Variants in GALNTL5 observed in about 807,000 individuals in gnomAD.
GALNTL5 encodes the protein polypeptide N-acetylgalactosaminyltransferase like 5, also known as inactive polypeptide N-acetylgalactosaminyltransferase-like protein 5.
Under a neutral mutation model 51.0 loss-of-function variants are expected in GALNTL5, and 44 were observed. That is an observed-to-expected ratio of 0.86 (90% confidence interval 0.68 to 1.11). The LOEUF (loss-of-function observed/expected upper bound fraction) is 1.11. Among genes scored for constraint, GALNTL5 ranks in the 50% least tolerant of loss-of-function variants. The pLI is 0.00. For missense variants in GALNTL5, 528 were observed against 531.8 expected (o/e 0.99, Z 0.07); for synonymous variants, 192 against 182.8 (o/e 1.05, Z -0.41).
chr7:152,002,595 C>T lies in GALNTL5; in HGVS notation c.659-119C>T, dbSNP rs1185222354. On this transcript the variant is annotated intron_variant, in intron 5 of 8. Transcript: ENST00000392800. ...TTTCCTTCCAATGAAAATGAAAGCA[C>T]TGTAAGAGCCAAACACATAGTAAAT... 4 of 1,023,692 alleles carry T rather than the reference C, an allele frequency of 3.9e-6. No homozygotes were observed. In the Admixed American group the frequency reaches 1.0e-4, roughly 27 times the overall value. 63.4% of individuals were successfully genotyped at this position (1,023,692 alleles called of 1,614,324 possible).
At chr7:151,997,539 T>A (rs759805015) in intron 5 of GALNTL5, among the ~76,000 whole-genome samples, 17 of 152,320 alleles carry the variant, frequency 1.1e-4, no homozygotes, top group Admixed American at 3.3e-4. Flanking sequence ...GAAATGTAGG[T>A]GCTAGGTGGC....
chr7:152,000,911 CT>C lies in GALNTL5; in HGVS notation c.659-1789del, dbSNP rs66497039. The stretch of plus-strand genomic sequence containing the variant: ...TTCTTTTCTTTTCTTTTTTTTCTTT[CT>C]TTTTTTTTTTTTTGACAGAGTCTTG... On this transcript the variant is annotated intron_variant, in intron 5 of 8. Transcript: ENST00000392800. Among the ~76,000 whole-genome samples, 899 of 128,688 alleles carry C rather than the reference CT, an allele frequency of 7.0e-3. 3 individuals carry two copies. The highest frequency in any genetic ancestry group is 0.02 in the African/African-American group (699 of 34,226). 84.4% of individuals were successfully genotyped at this position (128,688 alleles called of 152,430 possible).
intron 5 of GALNTL5, among the ~76,000 whole-genome samples, chr7:152,001,561 TGACCATA>T (rs2081581284): frequency 6.6e-6 from 1 of 152,240 alleles, no homozygotes; most frequent in South Asian, 2.1e-4. Flanking sequence ...AAAAATCAAT[TGACCATA>T]GACACATGGT....
At chr7:151,957,525 G>C (rs1180652995) in intron 1 of GALNTL5, among the ~76,000 whole-genome samples, 1 of 149,788 alleles carries the variant, frequency 6.7e-6, no homozygotes, top group African/African-American at 2.5e-5. Flanking sequence ...CCCCAACCTG[G>C]GCAGCAGAGC....
At chr7:151,981,041 G>C (rs10271279) in intron 3 of GALNTL5, among the ~76,000 whole-genome samples, 270 of 151,848 alleles carry the variant, frequency 1.8e-3, no homozygotes, top group Middle Eastern at 0.01. Context: ...CACCGCGCCC[G>C]GCCACAATGA....
chr7:152,007,298 C>T (rs531114561), intron 6 of GALNTL5, among the ~76,000 whole-genome samples: 2 of 151,912 alleles, frequency 1.3e-5, no homozygotes, highest in Admixed American at 6.6e-5. Flanking sequence ...TAGAATATAT[C>T]GCATACACAT....
At chr7:151,960,554 A>G (rs1483948715) in intron 1 of GALNTL5, 2 of 152,296 alleles carry the variant, frequency 1.3e-5, no homozygotes, top group Non-Finnish European at 2.9e-5. Context: ...CAAACACTGC[A>G]AGGCAGGGAC....
At chr7:151,982,923 G>A (rs773208418) in intron 3 of GALNTL5, 63 bp from the exon 4 acceptor site, 9 of 1,612,188 alleles carry the variant, frequency 5.6e-6, no homozygotes, top group South Asian at 1.1e-5. Context: ...GTGTTTGAAC[G>A]AGATGACACA....
At chr7:151,998,444 T>C (rs1330262773) in intron 5 of GALNTL5, among the ~76,000 whole-genome samples, 5 of 152,210 alleles carry the variant, frequency 3.3e-5, no homozygotes, top group Admixed American at 6.5e-5. Context: ...TTAATATTTT[T>C]AGTATGTAAA....
intron 2 of GALNTL5, among the ~76,000 whole-genome samples, chr7:151,970,208 G>A (rs1386522194): frequency 2.0e-5 from 3 of 148,534 alleles, no homozygotes; most frequent in South Asian, 2.3e-4. Context: ...AGGAAGGGGC[G>A]GGGGGTGGGG....
chr7:151,995,300 G>A (rs1309572728), intron 5 of GALNTL5: 1 of 139,756 alleles, frequency 7.2e-6, no homozygotes, highest in East Asian at 2.2e-4. Flanking sequence ...AGAGAATGTT[G>A]CAATCAGATG....
chr7:151,995,154 G>C (rs1586837427), intron 5 of GALNTL5: 1 of 152,460 alleles, frequency 6.6e-6, no homozygotes, highest in Non-Finnish European at 1.5e-5. Flanking sequence ...CCCACAGGTT[G>C]CAGGAGCTGA....
intron 6 of GALNTL5, among the ~76,000 whole-genome samples, chr7:152,007,543 C>G (rs918196468): frequency 6.6e-6 from 1 of 151,256 alleles, no homozygotes; most frequent in African/African-American, 2.4e-5. Context: ...CTCAGCCTCC[C>G]GAGTAGCTGG....
In GALNTL5 at chr7:151,967,257, C is replaced by A; in HGVS notation, c.11C>A (p.Ala4Asp). 3.7e-6 allele frequency: 6 copies of A among 1,609,482 alleles called. No individual in the cohort carries two copies. Among genetic ancestry groups the A allele is most frequent in the African/African-American group, 2.7e-5 (2 of 74,762 alleles). Reference sequence around the variant, plus strand: ...AATGCTAGATTTACAATGAGAAATGCCATAATTCAAGGTTTATTCTATGGG... The same window carrying A: ...AATGCTAGATTTACAATGAGAAATGACATAATTCAAGGTTTATTCTATGGG... MRNAIIQGLFYGSL... is the reference protein window; with the variant it reads MRNDIIQGLFYGSL... Residue 4 changes from alanine to aspartate, a missense_variant, in exon 2 of 9, where the codon GCC becomes GAC. Transcript: ENST00000392800.
chr7:152,010,522 C>T (rs924642653), intron 7 of GALNTL5, among the ~76,000 whole-genome samples: 1 of 151,656 alleles, frequency 6.6e-6, no homozygotes, highest in Non-Finnish European at 1.5e-5. Flanking sequence ...AATCCCAGCA[C>T]TTGGGGAGGC....
chr7:151,970,099 C>T (rs2081113942), intron 2 of GALNTL5, among the ~76,000 whole-genome samples: 2 of 151,680 alleles, frequency 1.3e-5, no homozygotes, highest in Admixed American at 6.6e-5. Flanking sequence ...CGTGAGCCAC[C>T]GCACCCGGCC....
At position 152,016,329 on chromosome 7, in the gene GALNTL5, A is replaced by G. The variant is rs150857700; in HGVS notation, c.1176+1536A>G. Among the ~76,000 whole-genome samples the G allele has an allele frequency of 3.9e-3, 600 of 151,908 alleles. 1 individual carries two copies. The highest frequency in any genetic ancestry group is 0.013 in the African/African-American group (547 of 41,412). On this transcript the variant is annotated intron_variant, in intron 8 of 8. Coordinates refer to ENST00000392800, the MANE Select transcript of GALNTL5 (RefSeq NM_145292.4). ...TGAGGGAGGAGAATCGCTTGAACCCAGGAGGCGGAAGTTGCAGTGAGTCAA... is the reference window on the plus strand; with the variant it reads ...TGAGGGAGGAGAATCGCTTGAACCCGGGAGGCGGAAGTTGCAGTGAGTCAA...
chr7:151,994,497 C>T (rs539126300), intron 5 of GALNTL5, among the ~76,000 whole-genome samples: 1 of 151,978 alleles, frequency 6.6e-6, no homozygotes, highest in African/African-American at 2.4e-5. Context: ...CTTTCCCTGA[C>T]CTTTCCCTTC....
chr7:151,959,457 AAT>A (rs2080966216), intron 1 of GALNTL5, among the ~76,000 whole-genome samples: 1 of 152,188 alleles, frequency 6.6e-6, no homozygotes, highest in Admixed American at 6.5e-5. Context: ...GGCATAATCA[AAT>A]ATTTCATTTG....
Sources: gnomAD v4.1 joint callset for allele counts (sites outside exome capture counted in the v4.1 genomes callset) on GRCh38, gnomAD v4.1.1 for gene constraint, MANE v1.5 for transcripts, NCBI Gene and HGNC (gene_info 2026-07-23, HGNC 2026-07-21) for gene names.